IRAG2: variants seen among roughly 807,000 people sequenced by gnomAD.
IRAG2 encodes lymphoid restricted membrane protein.
A neutral mutation model predicts 69.9 loss-of-function variants in IRAG2; 45 were observed. The ratio of observed to expected loss-of-function variants is 0.64; its 90% confidence interval spans 0.51 to 0.83. IRAG2 has a LOEUF of 0.83. Ranked by LOEUF, IRAG2 falls within the 40% of genes least tolerant of loss-of-function variation. The probability of loss-of-function intolerance (pLI) is 0.00; values close to 1 mark genes in which losing one functional copy is unlikely to be tolerated. For synonymous variants in IRAG2, 193 were observed against 202.4 expected (o/e 0.95, Z 0.40); for missense variants, 520 against 587.0 (o/e 0.89, Z 1.18).
At position 25,079,565 on chromosome 12, in the gene IRAG2, G is replaced by A. The variant is rs893711984; in HGVS notation, c.137-91G>A. The stretch of plus-strand genomic sequence containing the variant: ...GGTGTGAGCAAATGAGAAGAACATA[G>A]GCAAATACTCCTTTTGCATAGTATA... On this transcript the variant is annotated intron_variant, in intron 8 of 21. Transcript: ENST00000556887. The A allele has an allele frequency of 2.3e-6, 3 of 1,281,976 alleles. No individual in the cohort carries two copies. In the African/African-American group the frequency reaches 4.4e-5, roughly 19 times the overall value. 79.4% of individuals were successfully genotyped at this position (1,281,976 alleles called of 1,614,324 possible). A position where few individuals can be genotyped will look rare whatever the true frequency, so the allele number is the denominator to read the frequency against.
chr12:25,053,493 T>C (rs781362071), intron 1 of IRAG2, among the ~76,000 whole-genome samples: 9 of 152,042 alleles, frequency 5.9e-5, no homozygotes, highest in Admixed American at 1.3e-4. Context: ...TACATACATA[T>C]TTTGCATTTT....
At chr12:25,096,749 A>G (rs540447038) in intron 14 of IRAG2, 161 bp from the exon 15 acceptor site, 2 of 541,886 alleles carry the variant, frequency 3.7e-6, no homozygotes, top group African/African-American at 1.9e-5. Context: ...AAAGATAATA[A>G]TATATCAGTA....
chr12:25,005,039 T>C lies in IRAG2; in HGVS notation c.574+124T>C, dbSNP rs149374727. The stretch of plus-strand genomic sequence containing the variant: ...TTGGATGGAATCATCCATCTTTCCC[T>C]TTCTGTTTTAACTATGTTTGTTTCC... On this transcript the variant is annotated intron_variant, in intron 1 of 38. Transcript: ENST00000636465. 1,484 of 662,472 alleles carry C rather than the reference T, an allele frequency of 2.2e-3. 28 individuals carry two copies. The African/African-American group carries it at 0.025, about 11-fold the overall frequency. 41.0% of individuals were successfully genotyped at this position (662,472 alleles called of 1,614,324 possible).
chr12:25,101,821 A>C, intron 16 of IRAG2: 1 of 433,912 alleles, frequency 2.3e-6, no homozygotes, highest in Non-Finnish European at 4.4e-6. Flanking sequence ...TTTATTTAAA[A>C]TAAACAATAT....
chr12:25,049,778 C>G (rs762721870), upstream of IRAG2, among the ~76,000 whole-genome samples: 1 of 151,618 alleles, frequency 6.6e-6, no homozygotes, highest in Non-Finnish European at 1.5e-5. Context: ...GTCAGGAGAT[C>G]GAGACCATCC....
chr12:25,014,636 T>G (rs1944505850), intron 3 of IRAG2, among the ~76,000 whole-genome samples: 1 of 152,126 alleles, frequency 6.6e-6, no homozygotes, highest in Admixed American at 6.6e-5. Flanking sequence ...GTTTCCCAGA[T>G]TCCAGAAGTA....
At position 25,019,418 on chromosome 12, in the gene IRAG2, C is replaced by G. The variant is rs183678287; in HGVS notation, c.1215-1372C>G. On this transcript the variant is annotated intron_variant, in intron 6 of 38. Transcript: ENST00000636465. ...AAGTGGCTCTCAGCAGGATGGGGAG[C>G]TGGAAAGGGGATGGTGTGGAAAGAT... 1.5e-3 allele frequency among the ~76,000 whole-genome samples: 230 copies of G among 152,196 alleles called. 4 individuals are homozygous for G. The highest frequency in any genetic ancestry group is 0.014 in the Admixed American group (215 of 15,278).
At chr12:25,005,080 G>A (rs578211680) in intron 1 of IRAG2, among the ~76,000 whole-genome samples, 40 of 151,690 alleles carry the variant, frequency 2.6e-4, no homozygotes, top group African/African-American at 1.2e-4. Flanking sequence ...AAAACAGAAC[G>A]TCATGATGGG....
chr12:25,030,265 C>T (rs1038543026), intron 9 of IRAG2: 8 of 1,231,290 alleles, frequency 6.5e-6, no homozygotes, highest in African/African-American at 1.5e-5. Context: ...TCCCTAAATT[C>T]GTCTCTTTTC....
At chr12:25,063,411 C>T (rs1403632676) in intron 3 of IRAG2, among the ~76,000 whole-genome samples, 1 of 152,120 alleles carries the variant, frequency 6.6e-6, no homozygotes, top group Non-Finnish European at 1.5e-5. Flanking sequence ...TTATTCCTCA[C>T]CTATACCTCT....
At chr12:25,088,187 G>A (rs1947777482) in intron 11 of IRAG2, 30 bp downstream of exon 11, 3 of 1,574,760 alleles carry the variant, frequency 1.9e-6, no homozygotes, top group Non-Finnish European at 2.6e-6. Flanking sequence ...ATCCCCATGT[G>A]AACTTTTGTT....
chr12:25,012,818 C>T (rs996884053), intron 3 of IRAG2, among the ~76,000 whole-genome samples: 1 of 152,096 alleles, frequency 6.6e-6, no homozygotes, highest in Non-Finnish European at 1.5e-5. Flanking sequence ...ACAGAGACTC[C>T]GTCTCAAAAA....
At chr12:25,059,842 G>A (rs1945509028) in intron 1 of IRAG2, among the ~76,000 whole-genome samples, 1 of 151,956 alleles carries the variant, frequency 6.6e-6, no homozygotes, top group African/African-American at 2.4e-5. Flanking sequence ...CATAATTGAA[G>A]CTTTTAGAGC....
At position 25,052,918 on chromosome 12, in the gene IRAG2, C is replaced by T; in HGVS notation, c.-485C>T. 1 of 398,620 alleles carries T rather than the reference C, an allele frequency of 2.5e-6. No individual in the cohort carries two copies. Among genetic ancestry groups the T allele is most frequent in the Non-Finnish European group, 4.4e-6 (1 of 226,064 alleles). 24.7% of individuals were successfully genotyped at this position (398,620 alleles called of 1,614,324 possible). A position where few individuals can be genotyped will look rare whatever the true frequency, so the allele number is the denominator to read the frequency against. ...ACTATAAATACTGAATTATCGAACA[C>T]TTGCCAGGCACTTCAGCAGAAGACA... On this transcript the variant is annotated 5_prime_UTR_variant, in exon 1 of 22. Transcript: ENST00000556887.
intron 3 of IRAG2, among the ~76,000 whole-genome samples, chr12:25,013,710 A>G (rs1477742750): frequency 6.6e-6 from 1 of 152,018 alleles, no homozygotes; most frequent in Non-Finnish European, 1.5e-5. Context: ...AGAGAAATTA[A>G]TATGTAATTA....
Position 25,101,176 on chromosome 12 carries a change from A to T in IRAG2, c.742-2A>T. On this transcript the variant is annotated splice_acceptor_variant, in intron 15 of 21. Transcript: ENST00000556887. LOFTEE classifies it high-confidence loss of function. ...AAATGTGCTCGTTTTTTCTCTTGCT[A>T]GGAAAGCCGGGTTAGTAAAGCAGTT... 1 of 1,591,366 alleles carries T rather than the reference A, an allele frequency of 6.3e-7. No homozygotes were observed. Among genetic ancestry groups the T allele is most frequent in the African/African-American group, 1.4e-5 (1 of 73,954 alleles).
chr12:25,017,246 A>T, exon 6 of IRAG2: 1 of 1,232,202 alleles, frequency 8.1e-7, no homozygotes, highest in Non-Finnish European at 1.0e-6. Context: ...AGAAACTAAC[A>T]GCCAGTTATC....
intron 7 of IRAG2, among the ~76,000 whole-genome samples, chr12:25,022,942 A>G (rs552999418): frequency 5.3e-5 from 8 of 152,328 alleles, no homozygotes; most frequent in Non-Finnish European, 8.8e-5. Flanking sequence ...CCTGGCCAAC[A>G]TGGTGAAACC....
At chr12:25,047,263 A>C (rs1292616010) in intron 16 of IRAG2, among the ~76,000 whole-genome samples, 1 of 152,214 alleles carries the variant, frequency 6.6e-6, no homozygotes, top group Non-Finnish European at 1.5e-5. Flanking sequence ...TGGTCTTGGC[A>C]AGATTTCTTG....
Sources: allele counts gnomAD v4.1 joint callset (sites outside exome capture counted in the v4.1 genomes callset), GRCh38; gene constraint gnomAD v4.1.1; transcripts MANE v1.5; gene names NCBI Gene and HGNC (gene_info 2026-07-23, HGNC 2026-07-21).